SMYD3: variants seen among roughly 807,000 people sequenced by gnomAD.
SMYD3 encodes histone-lysine N-methyltransferase SMYD3.
Under a neutral mutation model 57.7 loss-of-function variants are expected in SMYD3, and 36 were observed. The ratio of observed to expected loss-of-function variants is 0.62; its 90% CI spans 0.48 to 0.82. The LOEUF (loss-of-function observed/expected upper bound fraction) is 0.82, where lower values mean the gene tolerates loss of function less well. Ranked by LOEUF, SMYD3 falls within the 40% of genes least tolerant of loss-of-function variation. SMYD3 has a pLI of 0.00. For synonymous variants in SMYD3, 211 were observed against 195.0 expected (o/e 1.08, Z -0.68); for missense variants, 515 against 538.8 (o/e 0.96, Z 0.44).
At chr1:246,410,054 C>T (rs2066937861) in intron 1 of SMYD3, among the ~76,000 whole-genome samples, 1 of 152,142 alleles carries the variant, frequency 6.6e-6, no homozygotes, top group African/African-American at 2.4e-5. Flanking sequence ...TGCTTATCAG[C>T]TTAAGGAGAT....
At chr1:246,255,971 T>TAGACAGACAGAC (rs1330909110) in intron 5 of SMYD3, among the ~76,000 whole-genome samples, 7 of 139,274 alleles carry the variant, frequency 5.0e-5, no homozygotes, top group East Asian at 5.3e-4. Flanking sequence ...GATAGATAGA[T>TAGACAGACAGAC]AGATAGATAG....
intron 1 of SMYD3, among the ~76,000 whole-genome samples, chr1:246,415,057 G>A (rs2067038795): frequency 6.6e-6 from 1 of 152,046 alleles, no homozygotes; most frequent in Admixed American, 6.5e-5. Flanking sequence ...AAATCCTGGT[G>A]AGCAGAACAG....
chr1:246,023,844 T>TGTGTG (rs1558159569), intron 5 of SMYD3, among the ~76,000 whole-genome samples: 11 of 151,474 alleles, frequency 7.3e-5, no homozygotes, highest in Non-Finnish European at 1.2e-4. Flanking sequence ...TGTGTGTGTG[T>TGTGTG]TACTGAAAAA....
At chr1:245,782,832 T>TAC (rs1461853859) in intron 10 of SMYD3, among the ~76,000 whole-genome samples, 1 of 152,070 alleles carries the variant, frequency 6.6e-6, no homozygotes. Flanking sequence ...AATGCCAGAG[T>TAC]CTAGGAGTTC....
Position 246,052,081 on chromosome 1 carries a change from C to T in SMYD3, c.532-122144G>A, listed in dbSNP as rs150010224. Among the ~76,000 whole-genome samples the T allele has an allele frequency of 1.7e-3, 252 of 152,284 alleles. 3 individuals are homozygous for T. Among genetic ancestry groups the T allele is most frequent in the African/African-American group, 5.5e-3 (230 of 41,558 alleles). On this transcript the variant is annotated intron_variant, in intron 5 of 11. Coordinates refer to ENST00000490107, the MANE Select transcript of SMYD3 (RefSeq NM_001167740.2). ...CACTTAATTAGATTATAAACTGCAA[C>T]ATAAAACGGCTGCATCATGCCTTTT...
chr1:246,123,178 C>A (rs2061449714), intron 5 of SMYD3, among the ~76,000 whole-genome samples: 1 of 152,102 alleles, frequency 6.6e-6, no homozygotes, highest in African/African-American at 2.4e-5. Flanking sequence ...AAAAAATGAG[C>A]TGAATATGTT....
intron 10 of SMYD3, among the ~76,000 whole-genome samples, chr1:245,816,123 G>A (rs2048788738): frequency 6.6e-6 from 1 of 152,180 alleles, no homozygotes; most frequent in African/African-American, 2.4e-5. Flanking sequence ...AGCTTCTAGA[G>A]AAAAGCATAA....
chr1:245,753,061 G>T (rs1368454872), intron 11 of SMYD3, among the ~76,000 whole-genome samples: 2 of 152,174 alleles, frequency 1.3e-5, no homozygotes, highest in African/African-American at 4.8e-5. Flanking sequence ...TCAAGATGCT[G>T]CTGGTCATGT....
At chr1:245,970,223 A>G (rs1255249833) in intron 5 of SMYD3, among the ~76,000 whole-genome samples, 1 of 152,244 alleles carries the variant, frequency 6.6e-6, no homozygotes, top group African/African-American at 2.4e-5. Flanking sequence ...AGAATTCCCT[A>G]TTTAATAAAT....
At chr1:246,096,696 T>C (rs2060921137) in intron 5 of SMYD3, among the ~76,000 whole-genome samples, 1 of 152,216 alleles carries the variant, frequency 6.6e-6, no homozygotes, top group African/African-American at 2.4e-5. Context: ...ATGAAAAAGA[T>C]ACCAGAACTA....
intron 5 of SMYD3, chr1:246,322,269 G>C (rs1467874080): frequency 6.6e-6 from 1 of 152,376 alleles, no homozygotes; most frequent in Non-Finnish European, 1.5e-5. Flanking sequence ...AGGAGGCTGA[G>C]GCACAAGACT....
intron 1 of SMYD3, among the ~76,000 whole-genome samples, chr1:246,398,096 T>C (rs966479127): frequency 2.0e-5 from 3 of 152,192 alleles, no homozygotes; most frequent in Admixed American, 1.3e-4. Context: ...AATAGAGACG[T>C]CATCTGTAGG....
intron 5 of SMYD3, among the ~76,000 whole-genome samples, chr1:246,122,598 G>A (rs1348005827): frequency 6.6e-6 from 1 of 152,090 alleles, no homozygotes; most frequent in African/African-American, 2.4e-5. Flanking sequence ...ATCCCTAGTT[G>A]CCAAGTAATT....
chr1:246,187,336 A>G (rs2062659030), intron 5 of SMYD3, among the ~76,000 whole-genome samples: 1 of 152,128 alleles, frequency 6.6e-6, no homozygotes. Context: ...ATAGGAATGA[A>G]GAGTGGAAAA....
chr1:246,217,095 A>C (rs1262176968), intron 5 of SMYD3, among the ~76,000 whole-genome samples: 1 of 152,100 alleles, frequency 6.6e-6, no homozygotes, highest in Non-Finnish European at 1.5e-5. Flanking sequence ...CTAGACTCAT[A>C]AGCAGAAGTT....
chr1:246,340,082 A>T (rs2065607879), intron 2 of SMYD3, among the ~76,000 whole-genome samples: 1 of 152,150 alleles, frequency 6.6e-6, no homozygotes, highest in African/African-American at 2.4e-5. Context: ...ATTACAAAGG[A>T]GGTCGTTATA....
chr1:246,127,578 C>G (rs143790834), intron 5 of SMYD3, among the ~76,000 whole-genome samples: 91 of 152,256 alleles, frequency 6.0e-4, no homozygotes, highest in African/African-American at 2.1e-3. Context: ...AATCCCTAAA[C>G]TCACTGCAGT....
chr1:246,161,080 T>G (rs936236312), intron 5 of SMYD3, among the ~76,000 whole-genome samples: 1 of 152,134 alleles, frequency 6.6e-6, no homozygotes, highest in Non-Finnish European at 1.5e-5. Flanking sequence ...TTGCTCTAGG[T>G]AAGCCTCATT....
rs370527074 is a variant in SMYD3, at chr1:246,174,181, C to T, written c.531+153020G>A. 5.2e-4 allele frequency among the ~76,000 whole-genome samples: 79 copies of T among 152,072 alleles called. 1 individual carries two copies. The East Asian group carries it at 0.011, about 21-fold the overall frequency. On this transcript the variant is annotated intron_variant, in intron 5 of 11. Transcript: ENST00000490107. ...AAGTATAATATAGTAAATATATAAA[C>T]GAGCAACACAGTCATTTCTTATCAC...
Sources: allele counts gnomAD v4.1 joint callset (sites outside exome capture counted in the v4.1 genomes callset), GRCh38; gene constraint gnomAD v4.1.1; transcripts MANE v1.5; gene names NCBI Gene and HGNC (gene_info 2026-07-23, HGNC 2026-07-21).